Variants in PLEKHG5 observed in about 807,000 individuals in gnomAD.
PLEKHG5 encodes pleckstrin homology domain-containing family G member 5.
Under a neutral mutation model 103.8 loss-of-function variants are expected in PLEKHG5, and 52 were observed. The ratio of observed to expected loss-of-function variants is 0.50; its 90% CI spans 0.40 to 0.63. PLEKHG5 has a LOEUF of 0.63. Ranked by LOEUF, PLEKHG5 falls within the 30% of genes least tolerant of loss-of-function variation. The probability of loss-of-function intolerance (pLI) is 0.00; values close to 1 mark genes in which losing one functional copy is unlikely to be tolerated. For missense variants in PLEKHG5, 1,205 were observed against 1,347.6 expected (o/e 0.89, Z 1.66); for synonymous variants, 592 against 575.5 (o/e 1.03, Z -0.41).
At chr1:6,516,927 T>G (rs1300459192) in intron 1 of PLEKHG5, among the ~76,000 whole-genome samples, 1 of 116,492 alleles carries the variant, frequency 8.6e-6, no homozygotes, top group Non-Finnish European at 1.9e-5. Flanking sequence ...CACACACACA[T>G]GTACACTTTT....
rs138152828 is a variant in PLEKHG5, at chr1:6,479,062, G to A, written c.-87-1404C>T. ...TCTGCTTCTCTCCCATTCTCTTCTC[G>A]GCACCCCCCTCCCCTGGGGCAGAAA... On this transcript the variant is annotated intron_variant, in intron 1 of 20. Transcript: ENST00000377728. 8.0e-4 allele frequency among the ~76,000 whole-genome samples: 122 copies of A among 151,970 alleles called. 1 individual carries two copies. In the South Asian group the frequency reaches 0.017, roughly 21 times the overall value.
At chr1:6,494,700 T>G (rs573172639), upstream of PLEKHG5, among the ~76,000 whole-genome samples, 4 of 152,342 alleles carry the variant, frequency 2.6e-5, no homozygotes, top group African/African-American at 9.6e-5. Context: ...TATCCATGTT[T>G]TCACATCCAT....
rs1268478911 is a variant in PLEKHG5 at position 6,491,087 on chromosome 1, C to T, written c.-88+550G>A. ...CAGAAACAGCCCGCTTTTCTCTGGG[C>T]CCCCTCTTTTTTTTTTTTCTGGCCC... On this transcript the variant is annotated intron_variant, in intron 1 of 20. Transcript: ENST00000377728. The surrounding 1 kb of genome is among the most constrained non-coding windows in gnomAD (Gnocchi z 4.1). Among the ~76,000 whole-genome samples the T allele has an allele frequency of 1.3e-5, 2 of 151,962 alleles. No individual in the cohort carries two copies. Among genetic ancestry groups the T allele is most frequent in the Non-Finnish European group, 1.5e-5 (1 of 67,976 alleles).
rs879114884 is a variant in PLEKHG5, at chr1:6,477,669, G to C, written c.-87-11C>G. ...GGCGTGGTGACATACCTGGGGTGGG[G>C]ACAGAAGCCTTCAGGAGGTCCACGA... On this transcript the variant is annotated splice_polypyrimidine_tract_variant and intron_variant, in intron 1 of 20. Transcript: ENST00000377728. 4 of 1,600,486 alleles carry C rather than the reference G, an allele frequency of 2.5e-6. No individual in the cohort carries two copies. In the African/African-American group the frequency reaches 5.4e-5, roughly 22 times the overall value.
rs1409433861 is a variant in PLEKHG5, at chr1:6,487,217, G to A, written c.-88+4420C>T. Reference sequence around the variant, plus strand: ...TACGACCTCCACCTCCCAGGTTCAAGTGATTCTTCTGCCTCAGCCTCCCCA... The same window carrying A: ...TACGACCTCCACCTCCCAGGTTCAAATGATTCTTCTGCCTCAGCCTCCCCA... On this transcript the variant is annotated intron_variant, in intron 1 of 20. Transcript: ENST00000377728. The surrounding 1 kb of genome is among the most constrained non-coding windows in gnomAD (Gnocchi z 4.1). 6.6e-6 allele frequency among the ~76,000 whole-genome samples: 1 copy of A among 152,148 alleles called. No homozygotes were observed. The highest frequency in any genetic ancestry group is 6.5e-5 in the Admixed American group (1 of 15,278).
intron 19 of PLEKHG5, 142 bp from the exon 20 acceptor site, chr1:6,468,728 G>T: frequency 2.3e-6 from 2 of 883,344 alleles, no homozygotes; most frequent in Non-Finnish European, 3.6e-6. Context: ...TGGCAGGTGT[G>T]GCAGATCTTC....
intron 1 of PLEKHG5, among the ~76,000 whole-genome samples, chr1:6,506,808 G>A (rs1039744641): frequency 2.0e-5 from 3 of 152,204 alleles, no homozygotes; most frequent in African/African-American, 7.2e-5. Context: ...CTGCCTGTGA[G>A]GTCTGGGCTC....
rs1484661041 is a variant in PLEKHG5, at chr1:6,487,045, C to A, written c.-88+4592G>T. Among the ~76,000 whole-genome samples the A allele has an allele frequency of 6.6e-6, 1 of 152,196 alleles. No homozygotes were observed. Among genetic ancestry groups the A allele is most frequent in the African/African-American group, 2.4e-5 (1 of 41,444 alleles). On this transcript the variant is annotated intron_variant, in intron 1 of 20. Transcript: ENST00000377728. This position sits in a 1 kb window ranked among gnomAD's most constrained non-coding sequence, Gnocchi z 4.1. ...CGTTTTATTAGAGGCTGGGAGACTT[C>A]CAGGGCTGTCTCCACTCCCAAAGCC...
At chr1:6,507,418 G>A (rs1010589768) in intron 1 of PLEKHG5, among the ~76,000 whole-genome samples, 8 of 152,190 alleles carry the variant, frequency 5.3e-5, no homozygotes, top group African/African-American at 1.9e-4. Flanking sequence ...AGACTTGAAC[G>A]GGGCCAAGGG....
intron 1 of PLEKHG5, among the ~76,000 whole-genome samples, chr1:6,484,439 G>C (rs1644974480): frequency 6.6e-6 from 1 of 152,184 alleles, no homozygotes; most frequent in African/African-American, 2.4e-5. Flanking sequence ...TGAACCAGGT[G>C]GTTTCCGACT....
rs770010475 is a variant in PLEKHG5, at chr1:6,474,035, C to T, written c.569G>A (p.Arg190His). The T allele has an allele frequency of 3.5e-5, 56 of 1,607,622 alleles. No homozygotes were observed. Among genetic ancestry groups the T allele is most frequent in the African/African-American group, 1.3e-4 (10 of 74,648 alleles). The change falls in exon 7 of 21, where the codon CGC becomes CAC. Residue 190 changes from arginine (R) to histidine (H), a missense_variant. Physicochemically the swap from Arg to His is conservative, Grantham distance 29. Transcript: ENST00000377728. ...PALERVDAQS[R>H]RESLDILAPG... ...CACCAAGATGTCCAGGCTCTCCCGG[C>T]GGCTCTGGGCGTCCACACGCTCCAG...
chr1:6,471,147 T>G, intron 12 of PLEKHG5, 47 bp from the exon 13 acceptor site: 3 of 1,457,926 alleles, frequency 2.1e-6, no homozygotes, highest in Non-Finnish European at 2.8e-6. Flanking sequence ...GCGCGCTCCC[T>G]GCGGGCCGGC....
intron 1 of PLEKHG5, among the ~76,000 whole-genome samples, chr1:6,481,059 C>G (rs1004968783): frequency 6.6e-6 from 1 of 152,106 alleles, no homozygotes; most frequent in South Asian, 2.1e-4. Context: ...AGCTCATAAG[C>G]GTGCCACTGC....
At position 6,478,133 on chromosome 1, in the gene PLEKHG5, C is replaced by T. The variant is rs530436524; in HGVS notation, c.-87-475G>A. 6.6e-5 allele frequency among the ~76,000 whole-genome samples: 10 copies of T among 152,312 alleles called. No homozygotes were observed. In the South Asian group the frequency reaches 2.1e-3, roughly 32 times the overall value. On this transcript the variant is annotated intron_variant, in intron 1 of 20. Coordinates refer to ENST00000377728, the MANE Select transcript of PLEKHG5 (RefSeq NM_020631.6). ...ATTCCTGACCTCGTGAACAGCCCGC[C>T]TGGGCCTCCCAAAGTGCTGGGATTA...
At chr1:6,485,531 C>CG (rs1645011156) in intron 1 of PLEKHG5, 1 of 1,207,964 alleles carries the variant, frequency 8.3e-7, no homozygotes, top group Non-Finnish European at 1.0e-6. Flanking sequence ...CGCCCGCCCC[C>CG]GCCGAGCGCG....
chr1:6,472,993 C>T lies in PLEKHG5; in HGVS notation c.977G>A (p.Gly326Glu). ...ACTGTGGCCCGCACTCACCTCATGC[C>T]CATCAATGAGCTCCCGCCAGCTGTC... ...LEDSWRELIDGHEKLTRRQCH... is the reference protein window; with the variant it reads ...LEDSWRELIDEHEKLTRRQCH... Residue 326 changes from glycine to glutamate, a missense_variant, in exon 9 of 21, where the codon GGG becomes GAG. Coordinates refer to ENST00000377728, the MANE Select transcript of PLEKHG5 (RefSeq NM_020631.6). The T allele has an allele frequency of 6.2e-7, 1 of 1,613,948 alleles. No individual in the cohort carries two copies. Among genetic ancestry groups the T allele is most frequent in the Non-Finnish European group, 8.5e-7 (1 of 1,179,930 alleles).
At chr1:6,478,905 A>G (rs1644830579) in intron 1 of PLEKHG5, among the ~76,000 whole-genome samples, 1 of 152,208 alleles carries the variant, frequency 6.6e-6, no homozygotes, top group African/African-American at 2.4e-5. Flanking sequence ...CGGCCTCCCA[A>G]AGTGCTGGGA....
At chr1:6,479,458 T>C (rs956682510) in intron 1 of PLEKHG5, among the ~76,000 whole-genome samples, 2 of 151,942 alleles carry the variant, frequency 1.3e-5, no homozygotes, top group African/African-American at 4.8e-5. Flanking sequence ...GGCTAATTTT[T>C]TGTATTTTTG....
chr1:6,490,474 G>C lies in PLEKHG5; in HGVS notation c.-88+1163C>G. The C allele has an allele frequency of 3.1e-6, 3 of 967,606 alleles. No individual in the cohort carries two copies. Among genetic ancestry groups the C allele is most frequent in the African/African-American group, 2.3e-5 (1 of 42,604 alleles). The allele number at this position is 967,606 out of a possible 1,614,324, so 59.9% of individuals were successfully genotyped here. ...GAACAGGACCAGGGTCTCCTCCCCGGTGTCTAAGGCTCTAAGGCTCGGGCC... is the reference window on the plus strand; with the variant it reads ...GAACAGGACCAGGGTCTCCTCCCCGCTGTCTAAGGCTCTAAGGCTCGGGCC... On this transcript the variant is annotated intron_variant, in intron 1 of 20. Coordinates refer to ENST00000377728, the MANE Select transcript of PLEKHG5 (RefSeq NM_020631.6). The surrounding 1 kb of genome is among the most constrained non-coding windows in gnomAD (Gnocchi z 8.0).
Sources: gnomAD v4.1 joint callset for allele counts (sites outside exome capture counted in the v4.1 genomes callset) on GRCh38, gnomAD v4.1.1 for gene constraint, Gnocchi (gnomAD v3.1) non-coding constraint, MANE v1.5 for transcripts, NCBI Gene and HGNC (gene_info 2026-07-23, HGNC 2026-07-21) for gene names.